PCDH15: variants seen among roughly 807,000 people sequenced by gnomAD.
PCDH15 encodes the protein protocadherin related 15.
Under a neutral mutation model 178.5 loss-of-function variants are expected in PCDH15, and 129 were observed. That is an observed-to-expected ratio of 0.72 (90% CI 0.63 to 0.84). The LOEUF (loss-of-function observed/expected upper bound fraction) is 0.84, where lower values mean the gene tolerates loss of function less well. Ranked by LOEUF, PCDH15 falls within the 40% of genes least tolerant of loss-of-function variation. The pLI is 0.00. For missense variants in PCDH15, 2,230 were observed against 2,099.9 expected, an observed-to-expected ratio of 1.06 and a Z score of -1.21; for synonymous variants, 800 against 732.0, an observed-to-expected ratio of 1.09 and a Z score of -1.50.
chr10:54,251,564 A>G (rs1304105009), intron 8 of PCDH15, among the ~76,000 whole-genome samples: 4 of 152,204 alleles, frequency 2.6e-5, no homozygotes, highest in East Asian at 3.8e-4. Flanking sequence ...TTTTTTAACC[A>G]GGCTGATGCA....
chr10:54,224,775 T>C (rs2053250738), intron 9 of PCDH15, among the ~76,000 whole-genome samples: 1 of 152,112 alleles, frequency 6.6e-6, no homozygotes, highest in South Asian at 2.1e-4. Flanking sequence ...TTTAGCACTT[T>C]TTCTTTTCAG....
chr10:55,519,904 T>C (rs920358931), intron 2 of PCDH15, among the ~76,000 whole-genome samples: 2 of 151,212 alleles, frequency 1.3e-5, no homozygotes, highest in Non-Finnish European at 3.0e-5. Flanking sequence ...TTAATAGATA[T>C]GTGATATTGA....
chr10:55,543,602 T>C (rs931265529), intron 2 of PCDH15, among the ~76,000 whole-genome samples: 3 of 150,938 alleles, frequency 2.0e-5, no homozygotes, highest in African/African-American at 7.3e-5. Flanking sequence ...ACATACCTTA[T>C]AAGGAGAAGA....
At chr10:55,008,363 T>G (rs1322743673) in intron 2 of PCDH15, among the ~76,000 whole-genome samples, 1 of 152,200 alleles carries the variant, frequency 6.6e-6, no homozygotes, top group South Asian at 2.1e-4. Context: ...AGCAGACTCT[T>G]GAGATCAGCT....
intron 21 of PCDH15, among the ~76,000 whole-genome samples, chr10:53,991,000 C>A (rs2091436667): frequency 6.6e-6 from 1 of 152,114 alleles, no homozygotes; most frequent in Non-Finnish European, 1.5e-5. Context: ...CACTGCCCGC[C>A]CGCCCACGCT....
chr10:55,509,470 A>C (rs1007820354), intron 2 of PCDH15, among the ~76,000 whole-genome samples: 5 of 151,736 alleles, frequency 3.3e-5, no homozygotes, highest in African/African-American at 1.2e-4. Context: ...TAACTCAAAA[A>C]AGAATTCAAG....
intron 2 of PCDH15, among the ~76,000 whole-genome samples, chr10:55,556,681 G>A (rs1842097145): frequency 6.6e-6 from 1 of 151,938 alleles, no homozygotes; most frequent in African/African-American, 2.4e-5. Context: ...AAAAAAAAAG[G>A]TACAAAAATT....
At chr10:55,061,017 G>A (rs1049381174) in intron 2 of PCDH15, among the ~76,000 whole-genome samples, 18 of 152,006 alleles carry the variant, frequency 1.2e-4, no homozygotes, top group African/African-American at 4.1e-4. Flanking sequence ...CTTTGGGGTT[G>A]GCAATGATTT....
intron 1 of PCDH15, among the ~76,000 whole-genome samples, chr10:54,713,922 C>T (rs1016272566): frequency 3.3e-5 from 5 of 152,074 alleles, no homozygotes; most frequent in Non-Finnish European, 7.4e-5. Context: ...CACAGAAGAA[C>T]CAAATGGCTC....
intron 21 of PCDH15, among the ~76,000 whole-genome samples, chr10:53,964,717 G>C (rs2134343308): frequency 6.6e-6 from 1 of 152,164 alleles, no homozygotes; most frequent in South Asian, 2.1e-4. Flanking sequence ...TCACCTAGTG[G>C]TGGATGGTCA....
At chr10:54,951,601 T>C (rs1159498497) in intron 2 of PCDH15, among the ~76,000 whole-genome samples, 4 of 151,904 alleles carry the variant, frequency 2.6e-5, no homozygotes, top group East Asian at 1.9e-4. Flanking sequence ...CTGAATAATA[T>C]GGTAAGAGTG....
intron 21 of PCDH15, among the ~76,000 whole-genome samples, chr10:53,974,215 A>C (rs1355728652): frequency 6.6e-6 from 1 of 152,082 alleles, no homozygotes; most frequent in Non-Finnish European, 1.5e-5. Flanking sequence ...GGGTTTCACC[A>C]TGTTGCCTAG....
At chr10:55,606,942 C>T (rs1361020314) in intron 2 of PCDH15, among the ~76,000 whole-genome samples, 1 of 142,946 alleles carries the variant, frequency 7.0e-6, no homozygotes, top group Non-Finnish European at 1.6e-5. Context: ...AAAGAAACTA[C>T]CATCAGAGTG....
intron 2 of PCDH15, among the ~76,000 whole-genome samples, chr10:55,143,084 C>T (rs896684074): frequency 4.6e-5 from 7 of 152,080 alleles, no homozygotes; most frequent in African/African-American, 1.7e-4. Context: ...TGCTCGCGCT[C>T]GCGCTCTCTC....
chr10:54,105,015 T>C (rs1452827897), intron 15 of PCDH15, among the ~76,000 whole-genome samples: 1 of 151,748 alleles, frequency 6.6e-6, no homozygotes, highest in African/African-American at 2.4e-5. Context: ...TCAAATGCAT[T>C]TATTTTGCAT....
At chr10:53,993,188 A>T (rs937182335) in intron 21 of PCDH15, among the ~76,000 whole-genome samples, 12 of 152,222 alleles carry the variant, frequency 7.9e-5, no homozygotes, top group African/African-American at 2.7e-4. Flanking sequence ...TAGCCCTTAC[A>T]TGGCCAAACT....
At chr10:54,889,665 G>C (rs1954426384) in intron 3 of PCDH15, among the ~76,000 whole-genome samples, 2 of 151,270 alleles carry the variant, frequency 1.3e-5, no homozygotes. Context: ...CACAAATTCT[G>C]AGATGATACT....
chr10:55,266,610 C>T (rs74139507), intron 1 of PCDH15, among the ~76,000 whole-genome samples: 285 of 152,214 alleles, frequency 1.9e-3, no homozygotes, highest in African/African-American at 6.7e-3. Flanking sequence ...GAGACCCTTG[C>T]GGGCAGAGAT....
chr10:55,180,952 A>T (rs1839633103), intron 1 of PCDH15, among the ~76,000 whole-genome samples: 1 of 152,010 alleles, frequency 6.6e-6, no homozygotes, highest in African/African-American at 2.4e-5. Flanking sequence ...AAAAAAACAT[A>T]TTTTTTTAAT....
Sources: gnomAD v4.1 joint callset for allele counts (sites outside exome capture counted in the v4.1 genomes callset) on GRCh38, gnomAD v4.1.1 for gene constraint, MANE v1.5 for transcripts, NCBI Gene and HGNC (gene_info 2026-07-23, HGNC 2026-07-21) for gene names.